Variants in MAP2 observed in about 807,000 individuals in gnomAD.
The protein encoded by MAP2 is microtubule-associated protein 2.
A neutral mutation model predicts 137.6 loss-of-function variants in MAP2; 14 were observed. That is an observed-to-expected ratio of 0.10 (90% CI 0.07 to 0.16). The LOEUF (loss-of-function observed/expected upper bound fraction) is 0.16, where lower values mean the gene tolerates loss of function less well. Among genes scored for constraint, MAP2 ranks in the 10% least tolerant of loss-of-function variants. MAP2 has a pLI of 1.00. For missense variants in MAP2, 2,088 were observed against 2,191.5 expected (o/e 0.95, Z 0.94); for synonymous variants, 786 against 782.3 (o/e 1.00, Z -0.08).
chr2:209,548,279 G>A (rs2068478612), intron 2 of MAP2, among the ~76,000 whole-genome samples: 1 of 152,124 alleles, frequency 6.6e-6, no homozygotes, highest in Non-Finnish European at 1.5e-5. Context: ...AGGAAAATGG[G>A]GAGTTCCACA....
chr2:209,672,436 TA>T (rs1234392991), intron 5 of MAP2, among the ~76,000 whole-genome samples: 1 of 151,868 alleles, frequency 6.6e-6, no homozygotes, highest in East Asian at 1.9e-4. Flanking sequence ...GTACCTAATT[TA>T]AATAAGCACT....
At chr2:209,554,208 G>T (rs768704234) in intron 2 of MAP2, among the ~76,000 whole-genome samples, 14 of 152,088 alleles carry the variant, frequency 9.2e-5, no homozygotes, top group Non-Finnish European at 1.8e-4. Context: ...AGTCTTTTGG[G>T]TATTCAAATC....
intron 4 of MAP2, among the ~76,000 whole-genome samples, chr2:209,649,877 C>G (rs1189428923): frequency 4.6e-5 from 7 of 152,114 alleles, no homozygotes; most frequent in Non-Finnish European, 1.0e-4. Flanking sequence ...GCTAGCCAGC[C>G]TTTTCTTCTT....
At chr2:209,534,487 G>A (rs2065656484) in intron 2 of MAP2, among the ~76,000 whole-genome samples, 1 of 152,126 alleles carries the variant, frequency 6.6e-6, no homozygotes, top group Non-Finnish European at 1.5e-5. Context: ...GGGGGTGGGT[G>A]GGAGGCAGTA....
intron 12 of MAP2, among the ~76,000 whole-genome samples, chr2:209,708,846 G>A (rs2064360302): frequency 6.6e-6 from 1 of 152,132 alleles, no homozygotes. Context: ...GCATCTGGGT[G>A]AATGAGCCTC....
intron 1 of MAP2, among the ~76,000 whole-genome samples, chr2:209,470,036 C>T (rs1472910144): frequency 1.3e-5 from 2 of 152,202 alleles, no homozygotes; most frequent in African/African-American, 4.8e-5. Context: ...ACATTCTCGA[C>T]AGCCCACCTA....
At chr2:209,424,825 A>G (rs779401500) in intron 1 of MAP2, among the ~76,000 whole-genome samples, 1 of 152,152 alleles carries the variant, frequency 6.6e-6, no homozygotes, top group Non-Finnish European at 1.5e-5. Flanking sequence ...GAAAATGAAA[A>G]ATAAATGCCT....
In MAP2 at chr2:209,425,254, T is replaced by C. The variant is rs571206150; in HGVS notation, c.-222+978T>C. Among the ~76,000 whole-genome samples the C allele has an allele frequency of 3.9e-5, 6 of 152,358 alleles. No individual in the cohort carries two copies. The East Asian group carries it at 9.6e-4, about 24-fold the overall frequency. ...AAGCCCGTTTGTGACAATTGCTGTGTGCCATCTGTCGTAAGCTCTTAGCAC... is the reference window on the plus strand; with the variant it reads ...AAGCCCGTTTGTGACAATTGCTGTGCGCCATCTGTCGTAAGCTCTTAGCAC... On this transcript the variant is annotated intron_variant, in intron 1 of 15. Transcript: ENST00000682079.
At chr2:209,618,517 C>T (rs2090207828) in intron 3 of MAP2, among the ~76,000 whole-genome samples, 1 of 152,136 alleles carries the variant, frequency 6.6e-6, no homozygotes, top group Non-Finnish European at 1.5e-5. Context: ...TCCTTTGAGC[C>T]TCTCTCCAAT....
At chr2:209,454,045 G>A (rs776668659) in intron 1 of MAP2, among the ~76,000 whole-genome samples, 15 of 150,364 alleles carry the variant, frequency 1.0e-4, no homozygotes, top group Non-Finnish European at 1.9e-4. Flanking sequence ...CAGCTACTCC[G>A]GAGGCTGAGG....
Position 209,653,201 on chromosome 2 carries a change from G to T in MAP2, c.31G>T (p.Ala11Ser). ...AGATGAACGGAAAGATGAAGCAAAG[G>T]CACCTCACTGGACCTCAGCACCGCT... is the stretch of plus-strand genomic sequence containing the variant. MADERKDEAK[A>S]PHWTSAPLTE... is the part of the protein sequence containing the mutation. Residue 11 changes from alanine (A) to serine (S), a missense_variant, in exon 5 of 16, where the codon GCA becomes TCA. This residue lies in a region of MAP2 where 859 missense variants were observed against 794.5 expected (regional missense o/e 1.08). Transcript: ENST00000682079. The T allele has an allele frequency of 6.2e-7, 1 of 1,606,410 alleles. No individual in the cohort carries two copies. The highest frequency in any genetic ancestry group is 8.5e-7 in the Non-Finnish European group (1 of 1,177,328).
intron 1 of MAP2, among the ~76,000 whole-genome samples, chr2:209,473,394 A>G (rs1416629254): frequency 6.6e-6 from 1 of 152,168 alleles, no homozygotes; most frequent in Admixed American, 6.6e-5. Flanking sequence ...GATTAATTAA[A>G]TAATGAAAAT....
chr2:209,498,657 C>T (rs2060034890), intron 1 of MAP2, among the ~76,000 whole-genome samples: 1 of 152,228 alleles, frequency 6.6e-6, no homozygotes, highest in South Asian at 2.1e-4. Context: ...ACTCTGTGCA[C>T]CCGCAGGCTT....
chr2:209,538,882 C>G (rs1287938105), intron 2 of MAP2, among the ~76,000 whole-genome samples: 2 of 151,952 alleles, frequency 1.3e-5, no homozygotes, highest in Admixed American at 6.6e-5. Flanking sequence ...CAAATAATAT[C>G]ATTGTTGCTT....
At chr2:209,651,258 A>C (rs911386599) in intron 4 of MAP2, among the ~76,000 whole-genome samples, 1 of 152,116 alleles carries the variant, frequency 6.6e-6, no homozygotes, top group Non-Finnish European at 1.5e-5. Flanking sequence ...AATTCCAAGG[A>C]TGCTCTCTTC....
chr2:209,441,928 T>G (rs1697886989), intron 1 of MAP2, among the ~76,000 whole-genome samples: 1 of 151,500 alleles, frequency 6.6e-6, no homozygotes, highest in Non-Finnish European at 1.5e-5. Flanking sequence ...GGTTTTTGAA[T>G]CAAAACAGAG....
chr2:209,709,464 A>G (rs1483524691), intron 12 of MAP2, among the ~76,000 whole-genome samples: 2 of 152,132 alleles, frequency 1.3e-5, no homozygotes, highest in Non-Finnish European at 2.9e-5. Context: ...TCTATATTGT[A>G]TGTTCACCTG....
At chr2:209,709,611 G>A (rs1480545184) in intron 12 of MAP2, among the ~76,000 whole-genome samples, 1 of 151,924 alleles carries the variant, frequency 6.6e-6, no homozygotes, top group African/African-American at 2.4e-5. Flanking sequence ...TGCCTTAATA[G>A]TCACACAAGT....
At chr2:209,608,145 A>T (rs981832880) in intron 3 of MAP2, among the ~76,000 whole-genome samples, 1 of 152,218 alleles carries the variant, frequency 6.6e-6, no homozygotes, top group African/African-American at 2.4e-5. Context: ...TCTTGACTCT[A>T]CTGTGCACCA....
Sources: allele counts gnomAD v4.1 joint callset (sites outside exome capture counted in the v4.1 genomes callset), GRCh38; gene constraint gnomAD v4.1.1; regional missense constraint gnomAD v4.1.1; transcripts MANE v1.5; gene names NCBI Gene and HGNC (gene_info 2026-07-23, HGNC 2026-07-21).